SPICE1: variants seen among roughly 807,000 people sequenced by gnomAD.
SPICE1 encodes spindle and centriole associated protein 1.
SPICE1 carries 75 observed loss-of-function variants against 102.7 expected under a neutral mutation model. The observed-to-expected ratio is 0.73, with a 90% confidence interval of 0.61 to 0.88. SPICE1 has a LOEUF of 0.88. SPICE1 is among the 40% of genes least tolerant of loss of function. The probability of loss-of-function intolerance (pLI) is 0.00; values close to 1 mark genes in which losing one functional copy is unlikely to be tolerated. For missense variants in SPICE1, 979 were observed against 1,020.1 expected, an observed-to-expected ratio of 0.96 and a Z score of 0.55; for synonymous variants, 308 against 350.3, an observed-to-expected ratio of 0.88 and a Z score of 1.35.
chr3:113,504,589 A>G (rs980785636), intron 2 of SPICE1, among the ~76,000 whole-genome samples: 6 of 145,058 alleles, frequency 4.1e-5, no homozygotes, highest in Admixed American at 4.1e-4. Flanking sequence ...AAAAAAAAAA[A>G]AAAAAGGGAA....
chr3:113,499,287 CT>C (rs1936961154), intron 4 of SPICE1, 151 bp downstream of exon 4: 1 of 771,688 alleles, frequency 1.3e-6, no homozygotes, highest in Non-Finnish European at 1.9e-6. Flanking sequence ...CCAGTCACCA[CT>C]CTGTTGCTTT....
chr3:113,484,145 T>G (rs1007104858), intron 7 of SPICE1, among the ~76,000 whole-genome samples: 1 of 152,188 alleles, frequency 6.6e-6, no homozygotes, highest in Non-Finnish European at 1.5e-5. Context: ...TTCTTCTAGA[T>G]TTTATCCATT....
At chr3:113,453,387 G>C in intron 14 of SPICE1, 79 bp downstream of exon 14, 1 of 1,506,040 alleles carries the variant, frequency 6.6e-7, no homozygotes, top group Non-Finnish European at 8.9e-7. Flanking sequence ...CTTCTGAAAA[G>C]AAGTTTCTTA....
chr3:113,472,032 C>A (rs567546013), intron 7 of SPICE1, among the ~76,000 whole-genome samples: 1 of 152,222 alleles, frequency 6.6e-6, no homozygotes, highest in Non-Finnish European at 1.5e-5. Flanking sequence ...GTTCCCTTTC[C>A]TAGTCAAAGA....
intron 11 of SPICE1, among the ~76,000 whole-genome samples, chr3:113,464,508 G>C (rs764442160): frequency 2.0e-4 from 31 of 151,938 alleles, no homozygotes; most frequent in Non-Finnish European, 2.4e-4. Flanking sequence ...TTCCCACCTT[G>C]GCACCCAAAA....
chr3:113,514,540 A>G, intron 1 of SPICE1: 2 of 414,634 alleles, frequency 4.8e-6, no homozygotes, highest in South Asian at 3.4e-5. Context: ...CGCAAATCCT[A>G]AAACCAAGCT....
At chr3:113,457,445 T>G (rs1050236575) in intron 12 of SPICE1, 88 bp from the exon 13 acceptor site, 165 of 1,332,050 alleles carry the variant, frequency 1.2e-4, no homozygotes, top group Non-Finnish European at 1.6e-4. Flanking sequence ...TGCATCTCAG[T>G]AGAGTGCAAA....
At chr3:113,512,373 ACT>A (rs1338672615) in intron 1 of SPICE1, among the ~76,000 whole-genome samples, 2 of 146,328 alleles carry the variant, frequency 1.4e-5, no homozygotes, top group Non-Finnish European at 3.0e-5. Flanking sequence ...AATTACAAAA[ACT>A]CTGACCCCAC....
chr3:113,505,562 T>A (rs984153994), intron 2 of SPICE1, among the ~76,000 whole-genome samples: 1 of 152,166 alleles, frequency 6.6e-6, no homozygotes, highest in Non-Finnish European at 1.5e-5. Context: ...CAATGGAAAG[T>A]AAAGACACCT....
chr3:113,472,140 C>T (rs1042614044), intron 7 of SPICE1, among the ~76,000 whole-genome samples: 1 of 152,250 alleles, frequency 6.6e-6, no homozygotes, highest in Non-Finnish European at 1.5e-5. Context: ...TATCCGGCAC[C>T]TGGCTCGGAG....
intron 13 of SPICE1, 92 bp from the exon 14 acceptor site, chr3:113,454,042 A>G: frequency 1.6e-6 from 2 of 1,231,712 alleles, no homozygotes; most frequent in South Asian, 1.6e-5. Flanking sequence ...GGTAGTTAGA[A>G]AAGTATTTCA....
intron 4 of SPICE1, among the ~76,000 whole-genome samples, chr3:113,497,840 C>G (rs1221572032): frequency 6.7e-6 from 1 of 148,744 alleles, no homozygotes. Context: ...GTAGCTGGGA[C>G]TACAGGCACC....
chr3:113,479,301 G>T (rs981169615), intron 7 of SPICE1, among the ~76,000 whole-genome samples: 3 of 151,262 alleles, frequency 2.0e-5, no homozygotes, highest in Non-Finnish European at 4.4e-5. Flanking sequence ...CAAAGGACAT[G>T]AACTCATCAT....
At chr3:113,454,209 C>T (rs1204496959) in intron 13 of SPICE1, among the ~76,000 whole-genome samples, 1 of 152,090 alleles carries the variant, frequency 6.6e-6, no homozygotes, top group Non-Finnish European at 1.5e-5. Flanking sequence ...CATTTTAACG[C>T]ATATATTAAC....
At chr3:113,456,428 T>C (rs189605984) in intron 13 of SPICE1, among the ~76,000 whole-genome samples, 1 of 152,042 alleles carries the variant, frequency 6.6e-6, no homozygotes, top group Admixed American at 6.5e-5. Flanking sequence ...ACTAAAGACC[T>C]CTTTAAAAAT....
rs1352998726 is a variant in SPICE1 at position 113,445,110 on chromosome 3, G to A, written c.*197C>T. On this transcript the variant is annotated 3_prime_UTR_variant, in exon 18 of 18. Coordinates refer to ENST00000295872, the MANE Select transcript of SPICE1 (RefSeq NM_144718.4). ...ACAGTCAAAGTTTCATTCACAGGGA[G>A]CTGTAGGTCAGTTGGTTGTTGAAAA... The A allele has an allele frequency of 2.3e-6, 1 of 440,960 alleles. No homozygotes were observed. Among genetic ancestry groups the A allele is most frequent in the African/African-American group, 2.0e-5 (1 of 49,620 alleles). 27.3% of individuals were successfully genotyped at this position (440,960 alleles called of 1,614,324 possible). A position where few individuals can be genotyped will look rare whatever the true frequency, so the allele number is the denominator to read the frequency against.
At chr3:113,489,847 CAAAAAAAAA>C (rs35823502) in intron 6 of SPICE1, among the ~76,000 whole-genome samples, 5 of 80,190 alleles carry the variant, frequency 6.2e-5, no homozygotes, top group African/African-American at 2.2e-4. Context: ...GACCCTGTCT[CAAAAAAAAA>C]AAAAAAAAAA....
At chr3:113,498,484 C>T (rs1936942737) in intron 4 of SPICE1, among the ~76,000 whole-genome samples, 1 of 152,108 alleles carries the variant, frequency 6.6e-6, no homozygotes. Flanking sequence ...CTGAGAATTA[C>T]CCCATAACAT....
chr3:113,443,136 C>T lies in SPICE1; in HGVS notation c.*2171G>A, dbSNP rs1224508987. 1 of 152,164 alleles carries T rather than the reference C, an allele frequency of 6.6e-6. No individual in the cohort carries two copies. The highest frequency in any genetic ancestry group is 1.5e-5 in the Non-Finnish European group (1 of 68,020). 9.4% of individuals were successfully genotyped at this position (152,164 alleles called of 1,614,324 possible). A position where few individuals can be genotyped will look rare whatever the true frequency, so the allele number is the denominator to read the frequency against. ...CAAAAAAAATTGGCAGTGATCATTACTGAGTGTTGTGAGCCAAGCTCTGAT... is the reference window on the plus strand; with the variant it reads ...CAAAAAAAATTGGCAGTGATCATTATTGAGTGTTGTGAGCCAAGCTCTGAT... On this transcript the variant is annotated 3_prime_UTR_variant, in exon 18 of 18. Coordinates refer to ENST00000295872, the MANE Select transcript of SPICE1 (RefSeq NM_144718.4).
Sources: allele counts gnomAD v4.1 joint callset (sites outside exome capture counted in the v4.1 genomes callset), GRCh38; gene constraint gnomAD v4.1.1; transcripts MANE v1.5; gene names NCBI Gene and HGNC (gene_info 2026-07-23, HGNC 2026-07-21).